Variants in TRPM3 observed in about 807,000 individuals in gnomAD.
TRPM3 encodes long transient receptor potential channel 3.
TRPM3 carries 77 observed loss-of-function variants against 181.2 expected under a neutral mutation model. That is an observed-to-expected ratio of 0.42 (90% CI 0.35 to 0.51). The LOEUF (loss-of-function observed/expected upper bound fraction) is 0.51. Ranked by LOEUF, TRPM3 falls within the 20% of genes least tolerant of loss-of-function variation. TRPM3 has a pLI of 0.01. For missense variants in TRPM3, 1,759 were observed against 2,196.7 expected (o/e 0.80, Z 3.98); for synonymous variants, 745 against 796.4 (o/e 0.94, Z 1.09).
At position 70,568,320 on chromosome 9, in the gene TRPM3, G is replaced by A. The variant is rs2051199531; in HGVS notation, c.3224-15010C>T. Among the ~76,000 whole-genome samples, 4 of 152,116 alleles carry A rather than the reference G, an allele frequency of 2.6e-5. No homozygotes were observed. The South Asian group carries it at 8.3e-4, about 32-fold the overall frequency. On this transcript the variant is annotated intron_variant, in intron 22 of 25. Transcript: ENST00000677713. ...TTATAATTATCTAGAAACAAATCTG[G>A]TTACAACCATCCTAGAGATGCACAC...
intron 22 of TRPM3, among the ~76,000 whole-genome samples, chr9:70,576,584 G>A (rs2054063946): frequency 1.3e-5 from 2 of 150,392 alleles, no homozygotes; most frequent in Admixed American, 6.6e-5. Context: ...GTGCGATCTC[G>A]GCTCACTGCA....
intron 8 of TRPM3, among the ~76,000 whole-genome samples, chr9:70,743,158 A>G (rs141171935): frequency 6.6e-6 from 1 of 152,318 alleles, no homozygotes; most frequent in Admixed American, 6.5e-5. Flanking sequence ...ACTAGAGTAC[A>G]AGTAGTACTT....
chr9:71,306,102 G>GCACA (rs1166753627), intron 1 of TRPM3, among the ~76,000 whole-genome samples: 1 of 152,072 alleles, frequency 6.6e-6, no homozygotes, highest in Non-Finnish European at 1.5e-5. Context: ...TGTTTTACAT[G>GCACA]CACACACTCT....
chr9:71,229,176 G>A (rs1384454161), intron 1 of TRPM3, among the ~76,000 whole-genome samples: 7 of 152,040 alleles, frequency 4.6e-5, no homozygotes, highest in Non-Finnish European at 2.9e-5. Flanking sequence ...TGTCAAGAGT[G>A]AACTCATTTT....
chr9:70,620,009 C>T (rs2063399716), intron 16 of TRPM3, 67 bp downstream of exon 16: 2 of 1,515,516 alleles, frequency 1.3e-6, no homozygotes, highest in East Asian at 2.3e-5. Context: ...AGCTCAGACT[C>T]TCCAGCACTG....
chr9:71,172,913 C>T (rs765694600), intron 1 of TRPM3, among the ~76,000 whole-genome samples: 8 of 152,130 alleles, frequency 5.3e-5, no homozygotes, highest in Non-Finnish European at 1.0e-4. Context: ...TTAGAGGTAT[C>T]TAAAATGCAG....
chr9:70,582,027 T>C (rs1323055654), intron 22 of TRPM3, among the ~76,000 whole-genome samples: 2 of 151,974 alleles, frequency 1.3e-5, no homozygotes, highest in African/African-American at 2.4e-5. Flanking sequence ...TCTGCACATA[T>C]ACTACAATCA....
chr9:70,898,976 A>G (rs181352103), intron 1 of TRPM3, among the ~76,000 whole-genome samples: 3 of 152,246 alleles, frequency 2.0e-5, no homozygotes, highest in Admixed American at 2.0e-4. Flanking sequence ...TACCAATATG[A>G]AGCTTGGACA....
intron 1 of TRPM3, among the ~76,000 whole-genome samples, chr9:71,062,189 A>G (rs143434147): frequency 7.3e-4 from 111 of 152,166 alleles, no homozygotes; most frequent in Admixed American, 2.8e-3. Context: ...GCAACCCCCA[A>G]TGCTACTTCC....
intron 1 of TRPM3, among the ~76,000 whole-genome samples, chr9:71,164,051 C>A (rs760872285): frequency 6.6e-6 from 1 of 152,042 alleles, no homozygotes; most frequent in Admixed American, 6.6e-5. Flanking sequence ...TGCTAATGAG[C>A]GTATGCACAA....
intron 1 of TRPM3, among the ~76,000 whole-genome samples, chr9:71,260,776 T>G (rs972400439): frequency 2.0e-5 from 3 of 152,222 alleles, no homozygotes; most frequent in Non-Finnish European, 4.4e-5. Flanking sequence ...TAAGGCGTTT[T>G]GGGGCTAAGA....
At chr9:71,002,016 A>T (rs1311310848) in intron 1 of TRPM3, among the ~76,000 whole-genome samples, 4 of 152,154 alleles carry the variant, frequency 2.6e-5, no homozygotes, top group Non-Finnish European at 5.9e-5. Flanking sequence ...GAGGAACTAC[A>T]CTTAGCAATC....
intron 1 of TRPM3, among the ~76,000 whole-genome samples, chr9:70,957,136 G>T (rs2097084975): frequency 2.0e-5 from 3 of 151,586 alleles, no homozygotes; most frequent in African/African-American, 2.4e-5. Flanking sequence ...AATTTTTTTT[G>T]TATTTTTAGT....
At chr9:70,785,813 C>G (rs138588248) in intron 6 of TRPM3, among the ~76,000 whole-genome samples, 3 of 152,254 alleles carry the variant, frequency 2.0e-5, no homozygotes, top group Non-Finnish European at 4.4e-5. Flanking sequence ...ATCCAAAATG[C>G]CAGTTACACA....
rs187383172 is a variant in TRPM3, at chr9:70,663,113, A to G, written c.1345+18393T>C. Among the ~76,000 whole-genome samples the G allele has an allele frequency of 1.2e-4, 18 of 152,326 alleles. 1 individual carries two copies. The East Asian group carries it at 3.5e-3, about 29-fold the overall frequency. ...AGCAGCTTGGGTGGAGCTGGAGGCT[A>G]TTATTCTAAGTGAAGTAACTCAGGA... On this transcript the variant is annotated intron_variant, in intron 9 of 25. Coordinates refer to ENST00000677713, the MANE Select transcript of TRPM3 (RefSeq NM_001366145.2).
chr9:71,425,449 C>T (rs543437448), intron 1 of TRPM3, among the ~76,000 whole-genome samples: 1 of 152,212 alleles, frequency 6.6e-6, no homozygotes, highest in South Asian at 2.1e-4. Flanking sequence ...AAACATAGGA[C>T]CCATTCTTGA....
chr9:71,233,557 A>T (rs2081194130), intron 1 of TRPM3, among the ~76,000 whole-genome samples: 1 of 152,224 alleles, frequency 6.6e-6, no homozygotes, highest in South Asian at 2.1e-4. Context: ...ATCTTATACA[A>T]TATTCTGTGG....
intron 9 of TRPM3, among the ~76,000 whole-genome samples, chr9:70,679,700 A>G (rs1047937984): frequency 2.0e-5 from 3 of 152,210 alleles, no homozygotes; most frequent in Non-Finnish European, 4.4e-5. Flanking sequence ...AGCCTGTAAA[A>G]TCTGGTAATT....
chr9:71,133,292 CT>C (rs761379173), intron 1 of TRPM3, among the ~76,000 whole-genome samples: 1,281 of 72,300 alleles, frequency 0.018, 21 homozygotes, highest in East Asian at 0.096. Flanking sequence ...TAGCAAATTG[CT>C]TTTTTTTTTT....
Sources: allele counts gnomAD v4.1 joint callset (sites outside exome capture counted in the v4.1 genomes callset), GRCh38; gene constraint gnomAD v4.1.1; transcripts MANE v1.5; gene names NCBI Gene and HGNC (gene_info 2026-07-23, HGNC 2026-07-21).